The following CFAP298 variants were observed in gnomAD, a reference collection of about 807,000 sequenced individuals.
CFAP298 encodes cilia- and flagella-associated protein 298.
A neutral mutation model predicts 41.0 loss-of-function variants in CFAP298; 38 were observed. The observed-to-expected ratio is 0.93, with a 90% CI of 0.72 to 1.22. The LOEUF (loss-of-function observed/expected upper bound fraction) is 1.22. Ranked by LOEUF, CFAP298 falls within the 50% of genes most tolerant of loss-of-function variation. The pLI, the probability that CFAP298 is intolerant of heterozygous loss-of-function variation, is 0.00. For missense variants in CFAP298, 348 were observed against 360.3 expected (o/e 0.97, Z 0.28); for synonymous variants, 137 against 135.3 (o/e 1.01, Z -0.09).
chr21:32,607,737 G>T, intron 2 of CFAP298, 21 bp from the exon 3 acceptor site: 1 of 1,436,268 alleles, frequency 7.0e-7, no homozygotes, highest in Non-Finnish European at 9.7e-7. Context: ...AAAAAGGAGA[G>T]AGGGAGAAAG....
At chr21:32,605,570 T>C (rs1359523196) in intron 3 of CFAP298, among the ~76,000 whole-genome samples, 2 of 152,162 alleles carry the variant, frequency 1.3e-5, no homozygotes, top group African/African-American at 4.8e-5. Flanking sequence ...AAAAACGCTA[T>C]AAAAATCCCA....
chr21:32,604,984 G>C (rs2038836538), intron 3 of CFAP298, among the ~76,000 whole-genome samples: 2 of 152,228 alleles, frequency 1.3e-5, no homozygotes, highest in Admixed American at 1.3e-4. Flanking sequence ...TTCGAGACCA[G>C]CCTGGCCAAC....
intron 1 of CFAP298, among the ~76,000 whole-genome samples, chr21:32,611,777 G>A (rs1014870600): frequency 2.6e-5 from 4 of 152,096 alleles, no homozygotes; most frequent in Non-Finnish European, 4.4e-5. Flanking sequence ...CCCCTCACAC[G>A]TGATTAATTG....
chr21:32,602,651 C>A, intron 5 of CFAP298: 1 of 1,271,694 alleles, frequency 7.9e-7, no homozygotes, highest in Non-Finnish European at 9.9e-7. Flanking sequence ...AGGGAGGATG[C>A]TCAGAGCCAC....
chr21:32,602,360 T>C lies in CFAP298; in HGVS notation c.674A>G (p.Gln225Arg), dbSNP rs374753522. 52 of 1,613,018 alleles carry C rather than the reference T, an allele frequency of 3.2e-5. No homozygotes were observed. The African/African-American group carries it at 5.7e-4, about 18-fold the overall frequency. The stretch of plus-strand genomic sequence containing the variant: ...AATAGGCTCTCGGGCTGGAGCTCCC[T>C]GTCCCCTCTGCAAAGAGGAGAGCAG... Reference protein sequence around the residue: ...KIIAKIQQRGQGAPAREPIIS... With the variant: ...KIIAKIQQRGRGAPAREPIIS... Residue 225 changes from glutamine to arginine, a missense_variant, in exon 6 of 7, where the codon CAG becomes CGG. Physicochemically the swap from Gln to Arg is conservative, Grantham distance 43. Transcript: ENST00000290155.
chr21:32,608,510 A>T (rs1177691870), intron 2 of CFAP298, among the ~76,000 whole-genome samples: 1 of 152,038 alleles, frequency 6.6e-6, no homozygotes, highest in East Asian at 1.9e-4. Flanking sequence ...TACAAAAATT[A>T]GCCGGGCATG....
chr21:32,601,556 C>G lies in CFAP298; in HGVS notation c.*307G>C. The G allele has an allele frequency of 5.0e-6, 1 of 200,666 alleles. No individual in the cohort carries two copies. The highest frequency in any genetic ancestry group is 1.0e-5 in the Non-Finnish European group (1 of 96,816). 12.4% of individuals were successfully genotyped at this position (200,666 alleles called of 1,614,324 possible). A position where few individuals can be genotyped will look rare whatever the true frequency, so the allele number is the denominator to read the frequency against. On this transcript the variant is annotated 3_prime_UTR_variant, in exon 7 of 7. Coordinates refer to ENST00000290155, the MANE Select transcript of CFAP298 (RefSeq NM_021254.4). ...TCGTGATCTGCCTGCCTCGGCCTCC[C>G]AAAGTGCTGGGATTACAGGCGTGAG...
Position 32,601,532 on chromosome 21 carries a change from C to T in CFAP298, c.*331G>A, listed in dbSNP as rs1244706819. On this transcript the variant is annotated 3_prime_UTR_variant, in exon 7 of 7. Coordinates refer to ENST00000290155, the MANE Select transcript of CFAP298 (RefSeq NM_021254.4). Reference sequence around the variant, plus strand: ...CTGGATGGTCTTGATCTCCTGACCTCGTGATCTGCCTGCCTCGGCCTCCCA... The same window carrying T: ...CTGGATGGTCTTGATCTCCTGACCTTGTGATCTGCCTGCCTCGGCCTCCCA... The T allele has an allele frequency of 3.6e-5, 7 of 192,366 alleles. No homozygotes were observed. The highest frequency in any genetic ancestry group is 2.4e-3 in the Middle Eastern group (1 of 418). The allele number at this position is 192,366 out of a possible 1,614,324, so 11.9% of individuals were successfully genotyped here. A position where few individuals can be genotyped will look rare whatever the true frequency, so the allele number is the denominator to read the frequency against.
intron 2 of CFAP298, among the ~76,000 whole-genome samples, chr21:32,608,594 T>C (rs1478774727): frequency 1.4e-5 from 2 of 146,664 alleles, no homozygotes; most frequent in African/African-American, 5.2e-5. Context: ...GAGGCAGAGG[T>C]TGCAGTGAGC....
chr21:32,605,235 AGAG>A (rs2038842609), intron 3 of CFAP298, among the ~76,000 whole-genome samples: 1 of 152,266 alleles, frequency 6.6e-6, no homozygotes, highest in South Asian at 2.1e-4. Context: ...TGAAGAGTAC[AGAG>A]GAAGGTGTGA....
chr21:32,601,784 C>CTT lies in CFAP298; in HGVS notation c.*77_*78dup, dbSNP rs79380292. ...TCTTTTACAGAGGGCAGTAAGTGGCCTTTTTTTTTTTTTTAAATTATAATT... is the reference window on the plus strand; with the variant it reads ...TCTTTTACAGAGGGCAGTAAGTGGCCTTTTTTTTTTTTTTTTAAATTATAATT... On this transcript the variant is annotated 3_prime_UTR_variant, in exon 7 of 7. Transcript: ENST00000290155. The CTT allele has an allele frequency of 4.7e-4, 286 of 609,588 alleles. No individual in the cohort carries two copies. The highest frequency in any genetic ancestry group is 1.0e-3 in the South Asian group (50 of 48,064). 37.8% of individuals were successfully genotyped at this position (609,588 alleles called of 1,614,324 possible).
chr21:32,612,247 G>A lies in CFAP298; in HGVS notation c.-4C>T, dbSNP rs1399778527. 2.5e-6 allele frequency: 4 copies of A among 1,601,206 alleles called. No individual in the cohort carries two copies. The highest frequency in any genetic ancestry group is 1.7e-4 in the Middle Eastern group (1 of 5,860). On this transcript the variant is annotated 5_prime_UTR_variant, in exon 1 of 7. Coordinates refer to ENST00000290155, the MANE Select transcript of CFAP298 (RefSeq NM_021254.4). The stretch of plus-strand genomic sequence containing the variant: ...GCTTCACGTGCAGCAGAACCATGGC[G>A]GTCCCGCCGAGGTACTGAGGCGTTG...
intron 6 of CFAP298, 55 bp from the exon 7 acceptor site, chr21:32,602,028 TAA>T (rs2038752759): frequency 8.7e-7 from 1 of 1,143,314 alleles, no homozygotes; most frequent in African/African-American, 1.5e-5. Context: ...GTTTTGCACA[TAA>T]AGAGACTGAA....
At chr21:32,603,395 T>C (rs2038798387) in intron 4 of CFAP298, 103 bp from the exon 5 acceptor site, 9 of 1,285,632 alleles carry the variant, frequency 7.0e-6, no homozygotes, top group Admixed American at 4.1e-5. Context: ...TTTCTCCCCG[T>C]GCTCACCATG....
At chr21:32,611,556 G>GA (rs1186260251) in intron 1 of CFAP298, among the ~76,000 whole-genome samples, 1 of 151,808 alleles carries the variant, frequency 6.6e-6, no homozygotes, top group Non-Finnish European at 1.5e-5. Context: ...TCCACCGCCG[G>GA]AAAGTTCTGC....
Position 32,607,662 on chromosome 21 carries a change from G to A in CFAP298, c.362C>T (p.Ala121Val). 1.9e-6 allele frequency: 3 copies of A among 1,573,308 alleles called. No individual in the cohort carries two copies. The highest frequency in any genetic ancestry group is 2.6e-6 in the Non-Finnish European group (3 of 1,152,828). Residue 121 changes from alanine (A) to valine (V), a missense_variant, in exon 3 of 7, where the codon GCA (alanine) becomes GTA (valine). By Grantham distance (64) the Ala-to-Val change is moderately conservative. Coordinates refer to ENST00000290155, the MANE Select transcript of CFAP298 (RefSeq NM_021254.4). ...AAAAAAGCCAACCTTAGATATTATT[G>A]CTTTGGCTTCTTCTATAGTCTTCTT... ...VLKKTIEEAK[A>V]IISKKQVEAG...
chr21:32,607,649 C>T lies in CFAP298; in HGVS notation c.375G>A (p.Lys125=), dbSNP rs2038896701. 1 of 1,559,292 alleles carries T rather than the reference C, an allele frequency of 6.4e-7. No individual in the cohort carries two copies. The highest frequency in any genetic ancestry group is 1.2e-5 in the South Asian group (1 of 86,320). ...TIEEAKAIIS[K]KQVEAGVCVT... ...TAGTGCATCATTTAAAAAAGCCAAC[C>T]TTAGATATTATTGCTTTGGCTTCTT... Residue 125 remains lysine (K), a splice_region_variant and synonymous_variant, in exon 3 of 7, where the codon AAG becomes AAA. Transcript: ENST00000290155.
At chr21:32,606,464 G>A (rs1281721077) in intron 3 of CFAP298, among the ~76,000 whole-genome samples, 1 of 152,134 alleles carries the variant, frequency 6.6e-6, no homozygotes, top group Non-Finnish European at 1.5e-5. Context: ...GTGGGGAGAA[G>A]GGTGCAGAAC....
rs1004273746 is a variant in CFAP298, at chr21:32,601,171, T to C, written c.*692A>G. Among the ~76,000 whole-genome samples, 1 of 152,050 alleles carries C rather than the reference T, an allele frequency of 6.6e-6. No homozygotes were observed. Among genetic ancestry groups the C allele is most frequent in the South Asian group, 2.1e-4 (1 of 4,824 alleles). On this transcript the variant is annotated 3_prime_UTR_variant, in exon 7 of 7. Transcript: ENST00000290155. ...ATCTAGAGGGCCAGGAGAAAAAGCATGCTGAGTGCCTGGCGGCATCTAGTG... is the reference window on the plus strand; with the variant it reads ...ATCTAGAGGGCCAGGAGAAAAAGCACGCTGAGTGCCTGGCGGCATCTAGTG...
Sources: gnomAD v4.1 joint callset for allele counts (sites outside exome capture counted in the v4.1 genomes callset) on GRCh38, gnomAD v4.1.1 for gene constraint, MANE v1.5 for transcripts, NCBI Gene and HGNC (gene_info 2026-07-23, HGNC 2026-07-21) for gene names.